The following KIF26B variants were observed in gnomAD, a reference collection of about 807,000 sequenced individuals.
The protein encoded by KIF26B is kinesin-like protein KIF26B.
KIF26B carries 63 observed loss-of-function variants against 151.2 expected under a neutral mutation model. That is an observed-to-expected ratio of 0.42 (90% CI 0.34 to 0.51). The LOEUF (loss-of-function observed/expected upper bound fraction) is 0.51. KIF26B is among the 20% of genes least tolerant of loss of function. KIF26B has a pLI of 0.07. For synonymous variants in KIF26B, 1,357 were observed against 1,262.1 expected (o/e 1.08, Z -1.59); for missense variants, 2,813 against 2,913.6 (o/e 0.97, Z 0.79).
At chr1:245,259,934 C>CAAA (rs35913005) in intron 2 of KIF26B, among the ~76,000 whole-genome samples, 22 of 72,014 alleles carry the variant, frequency 3.1e-4, no homozygotes, top group African/African-American at 9.4e-4. Flanking sequence ...GGTCCTGTCT[C>CAAA]AAAAAAAAAA....
chr1:245,486,098 C>G (rs1042058655), intron 4 of KIF26B, among the ~76,000 whole-genome samples: 7 of 152,160 alleles, frequency 4.6e-5, no homozygotes, highest in African/African-American at 1.7e-4. Flanking sequence ...AAATAGAAAA[C>G]AGTGTGCTTT....
At chr1:245,187,909 A>T (rs1391205996) in intron 2 of KIF26B, among the ~76,000 whole-genome samples, 1 of 152,094 alleles carries the variant, frequency 6.6e-6, no homozygotes, top group Middle Eastern at 3.2e-3. Context: ...GTTGAGGATT[A>T]TTTTTCTGAT....
Position 245,603,122 on chromosome 1 carries a change from C to G in KIF26B, c.1557+339C>G, listed in dbSNP as rs535750623. Among the ~76,000 whole-genome samples the G allele has an allele frequency of 2.7e-5, 4 of 148,668 alleles. No individual in the cohort carries two copies. In the South Asian group the frequency reaches 8.9e-4, roughly 33 times the overall value. On this transcript the variant is annotated intron_variant, in intron 6 of 14. Coordinates refer to ENST00000407071, the MANE Select transcript of KIF26B (RefSeq NM_018012.4). ...GTGACAGATCTAGTAGGACCCTACT[C>G]CTGCCTGGGCATTGTACGAAGGGAA...
At chr1:245,339,268 G>A (rs1394993449) in intron 2 of KIF26B, among the ~76,000 whole-genome samples, 5 of 152,188 alleles carry the variant, frequency 3.3e-5, no homozygotes, top group Admixed American at 6.5e-5. Context: ...ATGAGCCACC[G>A]CACCCGGCCT....
chr1:245,401,891 A>AC lies in KIF26B; in HGVS notation c.1000-17688_1000-17687insC, dbSNP rs1327400196. Among the ~76,000 whole-genome samples, 17 of 111,620 alleles carry AC rather than the reference A, an allele frequency of 1.5e-4. 1 individual carries two copies. The highest frequency in any genetic ancestry group is 7.4e-4 in the South Asian group (3 of 4,040). 73.2% of individuals were successfully genotyped at this position (111,620 alleles called of 152,430 possible). On this transcript the variant is annotated intron_variant, in intron 3 of 14. Transcript: ENST00000407071. ...TCTCCAAACAAACAAACAAACAAAGAAACACACACACACAAAAACACCACC... is the reference window on the plus strand; with the variant it reads ...TCTCCAAACAAACAAACAAACAAAGACAACACACACACACAAAAACACCACC...
chr1:245,272,085 T>C (rs1290334699), intron 2 of KIF26B, among the ~76,000 whole-genome samples: 1 of 152,258 alleles, frequency 6.6e-6, no homozygotes, highest in South Asian at 2.1e-4. Flanking sequence ...TGGTAGTTTG[T>C]ATATCTCTAG....
intron 9 of KIF26B, among the ~76,000 whole-genome samples, chr1:245,644,222 T>C (rs1364952526): frequency 6.6e-6 from 1 of 152,190 alleles, no homozygotes; most frequent in African/African-American, 2.4e-5. Context: ...GTTTTATTGC[T>C]AGATCTTCAA....
intron 2 of KIF26B, among the ~76,000 whole-genome samples, chr1:245,159,841 T>C (rs1338839332): frequency 1.3e-5 from 2 of 152,148 alleles, no homozygotes; most frequent in African/African-American, 4.8e-5. Flanking sequence ...AGAACCATCT[T>C]ATTCTGAGCA....
chr1:245,479,144 A>G (rs1351295190), intron 4 of KIF26B, among the ~76,000 whole-genome samples: 1 of 151,744 alleles, frequency 6.6e-6, no homozygotes, highest in Non-Finnish European at 1.5e-5. Context: ...GCAGATATAA[A>G]TTTGGGAATC....
chr1:245,199,878 A>G (rs1026908343), intron 2 of KIF26B, among the ~76,000 whole-genome samples: 2 of 152,172 alleles, frequency 1.3e-5, no homozygotes, highest in African/African-American at 2.4e-5. Flanking sequence ...TATTCATGCA[A>G]TCCACAAATA....
intron 2 of KIF26B, among the ~76,000 whole-genome samples, chr1:245,322,471 C>G (rs1196867173): frequency 6.6e-6 from 1 of 152,138 alleles, no homozygotes; most frequent in Non-Finnish European, 1.5e-5. Context: ...AAGAACAGAA[C>G]AACTCAGACA....
rs1572101411 is a variant in KIF26B at position 245,516,849 on chromosome 1, T to C, written c.1167-23918T>C. Among the ~76,000 whole-genome samples, 3 of 147,326 alleles carry C rather than the reference T, an allele frequency of 2.0e-5. No homozygotes were observed. Among genetic ancestry groups the C allele is most frequent in the African/African-American group, 7.4e-5 (3 of 40,352 alleles). Reference sequence around the variant, plus strand: ...AAAGTTCCGGTTACCAGACTGTCCCTGGATACTGGGGACTAAAAGCTGGTG... The same window carrying C: ...AAAGTTCCGGTTACCAGACTGTCCCCGGATACTGGGGACTAAAAGCTGGTG... On this transcript the variant is annotated intron_variant, in intron 4 of 14. Coordinates refer to ENST00000407071, the MANE Select transcript of KIF26B (RefSeq NM_018012.4). The surrounding 1 kb of genome is among the most constrained non-coding windows in gnomAD (Gnocchi z 4.2).
intron 2 of KIF26B, among the ~76,000 whole-genome samples, chr1:245,250,130 T>C (rs1670415445): frequency 6.6e-6 from 1 of 152,198 alleles, no homozygotes; most frequent in African/African-American, 2.4e-5. Context: ...AACATTATTG[T>C]CGAAGGCTTC....
rs926929091 is a variant in KIF26B at position 245,606,241 on chromosome 1, G to A, written c.1558-1410G>A. On this transcript the variant is annotated intron_variant, in intron 6 of 14. Transcript: ENST00000407071. This position sits in a 1 kb window ranked among gnomAD's most constrained non-coding sequence, Gnocchi z 4.6. ...GACCACCCTGGAACAAGTGACAGCT[G>A]TTGGAAGTGTGGTTTTTCAATTTTA... Among the ~76,000 whole-genome samples, 18 of 152,294 alleles carry A rather than the reference G, an allele frequency of 1.2e-4. No individual in the cohort carries two copies. Among genetic ancestry groups the A allele is most frequent in the African/African-American group, 4.3e-4 (18 of 41,572 alleles).
At chr1:245,385,102 G>C (rs946824311) in intron 3 of KIF26B, among the ~76,000 whole-genome samples, 1 of 152,058 alleles carries the variant, frequency 6.6e-6, no homozygotes, top group Non-Finnish European at 1.5e-5. Context: ...GAATAGGTGG[G>C]CAACAGAAAT....
At chr1:245,599,038 C>G (rs1024038529) in intron 5 of KIF26B, among the ~76,000 whole-genome samples, 2 of 152,084 alleles carry the variant, frequency 1.3e-5, no homozygotes, top group African/African-American at 4.8e-5. Flanking sequence ...CTGCCTGGAC[C>G]CTCTCTGGAG....
rs993086011 is a variant in KIF26B at position 245,560,079 on chromosome 1, C to A, written c.1350+19129C>A. 2.6e-5 allele frequency among the ~76,000 whole-genome samples: 4 copies of A among 152,158 alleles called. No individual in the cohort carries two copies. The highest frequency in any genetic ancestry group is 9.7e-5 in the African/African-American group (4 of 41,436). On this transcript the variant is annotated intron_variant, in intron 5 of 14. Transcript: ENST00000407071. The surrounding 1 kb of genome is among the most constrained non-coding windows in gnomAD (Gnocchi z 4.3). ...GTCCTCAGGCCCAGCTCCCGTGTCA[C>A]CTGCCACCTGCAGGCCTTCCTCTTG... is the stretch of plus-strand genomic sequence containing the variant.
At chr1:245,391,113 C>G (rs143611674) in intron 3 of KIF26B, among the ~76,000 whole-genome samples, 43 of 152,042 alleles carry the variant, frequency 2.8e-4, no homozygotes, top group African/African-American at 9.2e-4. Flanking sequence ...TGGAATGGGT[C>G]AACGTCTGGA....
chr1:245,585,271 C>T (rs188735157), intron 5 of KIF26B, among the ~76,000 whole-genome samples: 34 of 152,264 alleles, frequency 2.2e-4, no homozygotes, highest in Admixed American at 1.7e-3. Context: ...CCTTTGTGTG[C>T]GTATGTGAAA....
Sources: gnomAD v4.1 joint callset for allele counts (sites outside exome capture counted in the v4.1 genomes callset) on GRCh38, gnomAD v4.1.1 for gene constraint, Gnocchi (gnomAD v3.1) non-coding constraint, MANE v1.5 for transcripts, NCBI Gene and HGNC (gene_info 2026-07-23, HGNC 2026-07-21) for gene names.